RXFP2: variants seen among roughly 807,000 people sequenced by gnomAD.
RXFP2 encodes the protein relaxin receptor 2.
Under a neutral mutation model 88.6 loss-of-function variants are expected in RXFP2, and 68 were observed. The observed-to-expected ratio is 0.77, with a 90% CI of 0.63 to 0.94. RXFP2 has a LOEUF of 0.94. RXFP2 is among the 40% of genes least tolerant of loss of function. The pLI is 0.00. For synonymous variants in RXFP2, 329 were observed against 306.8 expected (o/e 1.07, Z -0.76); for missense variants, 791 against 893.9 (o/e 0.88, Z 1.47).
intron 5 of RXFP2, among the ~76,000 whole-genome samples, chr13:31,770,065 G>A (rs990503270): frequency 6.6e-6 from 1 of 152,168 alleles, no homozygotes; most frequent in Non-Finnish European, 1.5e-5. Context: ...AAAACTGCTT[G>A]ATCAATGCCC....
At chr13:31,785,934 A>G (rs1273525181) in intron 11 of RXFP2, among the ~76,000 whole-genome samples, 1 of 152,370 alleles carries the variant, frequency 6.6e-6, no homozygotes, top group East Asian at 1.9e-4. Flanking sequence ...CTGGGCAGAT[A>G]CTGAGTGGAC....
chr13:31,792,158 A>ATT, intron 15 of RXFP2, 123 bp downstream of exon 15: 3 of 734,484 alleles, frequency 4.1e-6, no homozygotes, highest in Non-Finnish European at 4.4e-6. Context: ...TCCTGGGCAC[A>ATT]TTTTTTTTTC....
chr13:31,759,375 G>GAGAAGGAAAGAAAGAAAGAA lies in RXFP2; in HGVS notation c.241+975_241+976insGGAAAGAAAGAAAGAAAGAA, dbSNP rs1453244832. Reference sequence around the variant, plus strand: ...TTTTTAAGATGATGACATTTGGATTGAGAAAGAAAGAAAGAAAGAAAGAAA... The same window carrying GAGAAGGAAAGAAAGAAAGAA: ...TTTTTAAGATGATGACATTTGGATTGAGAAGGAAAGAAAGAAAGAAAGAAAGAAAGAAAGAAAGAAAGAAA... On this transcript the variant is annotated intron_variant, in intron 2 of 17. Transcript: ENST00000298386. Among the ~76,000 whole-genome samples, 10 of 22,994 alleles carry GAGAAGGAAAGAAAGAAAGAA rather than the reference G, an allele frequency of 4.3e-4. 1 individual carries two copies. The highest frequency in any genetic ancestry group is 1.5e-3 in the African/African-American group (9 of 5,814). 15.1% of individuals were successfully genotyped at this position (22,994 alleles called of 152,430 possible).
intron 1 of RXFP2, among the ~76,000 whole-genome samples, chr13:31,752,274 T>G (rs1871703937): frequency 6.6e-6 from 1 of 152,148 alleles, no homozygotes; most frequent in Non-Finnish European, 1.5e-5. Context: ...GGTAATATTT[T>G]CTGCCCCCTC....
intron 5 of RXFP2, among the ~76,000 whole-genome samples, chr13:31,771,735 T>A (rs528572051): frequency 5.3e-5 from 8 of 149,944 alleles, no homozygotes; most frequent in African/African-American, 2.0e-4. Flanking sequence ...CAGATTGCAG[T>A]GAGCCAAGAA....
At chr13:31,768,541 C>T (rs1872631811) in intron 5 of RXFP2, among the ~76,000 whole-genome samples, 1 of 152,168 alleles carries the variant, frequency 6.6e-6, no homozygotes, top group South Asian at 2.1e-4. Flanking sequence ...AGTCAGTCAG[C>T]TGACAAGTAA....
At chr13:31,792,121 C>A (rs1873822544) in intron 15 of RXFP2, 86 bp downstream of exon 15, 2 of 986,914 alleles carry the variant, frequency 2.0e-6, no homozygotes, top group Non-Finnish European at 3.1e-6. Context: ...TGGCTTTCAA[C>A]AAATGGCATT....
At chr13:31,764,284 C>CACACACACACACAT (rs762385260) in intron 3 of RXFP2, among the ~76,000 whole-genome samples, 22 of 150,322 alleles carry the variant, frequency 1.5e-4, no homozygotes, top group South Asian at 8.4e-4. Context: ...CACACACACA[C>CACACACACACACAT]ACACAGTGAC....
At chr13:31,789,629 T>C (rs774685937) in intron 14 of RXFP2, among the ~76,000 whole-genome samples, 4 of 152,250 alleles carry the variant, frequency 2.6e-5, no homozygotes, top group Non-Finnish European at 5.9e-5. Context: ...ATGGAGGTAA[T>C]TAATCTTTAT....
intron 14 of RXFP2, 59 bp from the exon 15 acceptor site, chr13:31,791,747 G>A (rs1873798690): frequency 6.8e-6 from 8 of 1,184,320 alleles, no homozygotes; most frequent in Non-Finnish European, 1.0e-5. Context: ...CGATAGGACT[G>A]CAACTGTAGG....
intron 1 of RXFP2, among the ~76,000 whole-genome samples, chr13:31,743,969 C>T (rs1454735846): frequency 6.6e-6 from 1 of 152,144 alleles, no homozygotes; most frequent in Non-Finnish European, 1.5e-5. Context: ...TCCCTAGATT[C>T]GCCCCCTTAA....
At chr13:31,777,469 A>G in intron 8 of RXFP2, 22 bp downstream of exon 8, 3 of 1,520,032 alleles carry the variant, frequency 2.0e-6, no homozygotes, top group Non-Finnish European at 2.7e-6. Flanking sequence ...TCAACCTTTC[A>G]ATACATCTAT....
At chr13:31,749,778 T>C (rs1210173847) in intron 1 of RXFP2, among the ~76,000 whole-genome samples, 1 of 152,236 alleles carries the variant, frequency 6.6e-6, no homozygotes, top group Non-Finnish European at 1.5e-5. Context: ...TAATTTATTA[T>C]TTTAATATTC....
At chr13:31,770,196 A>G (rs1295701458) in intron 5 of RXFP2, among the ~76,000 whole-genome samples, 1 of 152,212 alleles carries the variant, frequency 6.6e-6, no homozygotes, top group Non-Finnish European at 1.5e-5. Context: ...TGAGGCATAG[A>G]CAAAGCAGCA....
chr13:31,760,900 C>T (rs1431051676), intron 2 of RXFP2, among the ~76,000 whole-genome samples: 6 of 152,096 alleles, frequency 3.9e-5, no homozygotes, highest in Non-Finnish European at 8.8e-5. Context: ...TTACATATGA[C>T]AAATTGACAT....
chr13:31,742,943 G>T lies in RXFP2; in HGVS notation c.94+3237G>T, dbSNP rs566001706. The stretch of plus-strand genomic sequence containing the variant: ...AACATTCTTTGGGTAAAATGAGTGT[G>T]CTTGTTTCACATGTGAAGTAGTAGT... On this transcript the variant is annotated intron_variant, in intron 1 of 17. Coordinates refer to ENST00000298386, the MANE Select transcript of RXFP2 (RefSeq NM_130806.5). Among the ~76,000 whole-genome samples, 5 of 152,242 alleles carry T rather than the reference G, an allele frequency of 3.3e-5. No individual in the cohort carries two copies. The East Asian group carries it at 9.6e-4, about 29-fold the overall frequency.
Position 31,797,163 on chromosome 13 carries a change from T to C in RXFP2, c.1787-38T>C, listed in dbSNP as rs377451239. On this transcript the variant is annotated intron_variant, in intron 16 of 17. Coordinates refer to ENST00000298386, the MANE Select transcript of RXFP2 (RefSeq NM_130806.5). ...ACCACAGTAATTTTACTGTTGACTT[T>C]TACGCCTGAGATGTTAAAAGTGTGC... The C allele has an allele frequency of 6.4e-6, 9 of 1,413,908 alleles. No individual in the cohort carries two copies. The African/African-American group carries it at 1.1e-4, about 18-fold the overall frequency. 87.6% of individuals were successfully genotyped at this position (1,413,908 alleles called of 1,614,324 possible).
chr13:31,766,511 A>T (rs1204635708), intron 5 of RXFP2, among the ~76,000 whole-genome samples: 1 of 152,208 alleles, frequency 6.6e-6, no homozygotes, highest in Admixed American at 6.5e-5. Flanking sequence ...GCCAATAAAT[A>T]GGATATGATC....
rs749286767 is a variant in RXFP2 at position 31,766,025 on chromosome 13, G to C, written c.495G>C (p.Lys165Asn). The change falls in exon 5 of 18, where the codon AAG becomes AAC. Residue 165 changes from lysine (K) to asparagine (N), a missense_variant and splice_region_variant. Coordinates refer to ENST00000298386, the MANE Select transcript of RXFP2 (RefSeq NM_130806.5). ...TCATCAAATACACAAAACTTAAAAAGATGTAAGTAGCCGTTAATAGCATAT... is the reference window on the plus strand; with the variant it reads ...TCATCAAATACACAAAACTTAAAAACATGTAAGTAGCCGTTAATAGCATAT... Reference protein sequence around the residue: ...KVFIKYTKLKKIFLQHNCIRH... With the variant: ...KVFIKYTKLKNIFLQHNCIRH... The C allele has an allele frequency of 6.8e-7, 1 of 1,470,868 alleles. No homozygotes were observed. The highest frequency in any genetic ancestry group is 9.5e-7 in the Non-Finnish European group (1 of 1,053,966). The allele number at this position is 1,470,868 out of a possible 1,614,324, so 91.1% of individuals were successfully genotyped here. A position where few individuals can be genotyped will look rare whatever the true frequency, so the allele number is the denominator to read the frequency against.
Sources: gnomAD v4.1 joint callset for allele counts (sites outside exome capture counted in the v4.1 genomes callset) on GRCh38, gnomAD v4.1.1 for gene constraint, MANE v1.5 for transcripts, NCBI Gene and HGNC (gene_info 2026-07-23, HGNC 2026-07-21) for gene names.